The following CCDC175 variants were observed in gnomAD, a reference collection of about 807,000 sequenced individuals.
The protein encoded by CCDC175 is coiled-coil domain-containing protein 175.
A neutral mutation model predicts 114.6 loss-of-function variants in CCDC175; 100 were observed. The observed-to-expected ratio is 0.87, with a 90% CI of 0.74 to 1.03. The LOEUF (loss-of-function observed/expected upper bound fraction) is 1.03, where lower values mean the gene tolerates loss of function less well. Among genes scored for constraint, CCDC175 ranks in the 50% least tolerant of loss-of-function variants. The pLI, the probability that CCDC175 is intolerant of heterozygous loss-of-function variation, is 0.00. For synonymous variants in CCDC175, 306 were observed against 308.7 expected, an observed-to-expected ratio of 0.99 and a Z score of 0.09; for missense variants, 880 against 917.8, an observed-to-expected ratio of 0.96 and a Z score of 0.53.
rs111471370 is a variant in CCDC175, at chr14:59,567,528, T to C, written c.491+717A>G. Among the ~76,000 whole-genome samples, 1,008 of 152,346 alleles carry C rather than the reference T, an allele frequency of 6.6e-3. 12 individuals carry two copies. Among genetic ancestry groups the C allele is most frequent in the African/African-American group, 0.023 (951 of 41,570 alleles). ...AACATGCTGATATTTATGATATTTA[T>C]TAAAATTTATCAAATTTTCTCATAG... On this transcript the variant is annotated intron_variant, in intron 4 of 19. Coordinates refer to ENST00000537690, the MANE Select transcript of CCDC175 (RefSeq NM_001164399.2).
At chr14:59,516,081 G>A (rs1473039889) in intron 17 of CCDC175, among the ~76,000 whole-genome samples, 4 of 152,122 alleles carry the variant, frequency 2.6e-5, no homozygotes, top group African/African-American at 7.2e-5. Flanking sequence ...GGTACATAAC[G>A]AAATGAAGGC....
chr14:59,521,765 C>T, intron 16 of CCDC175, 89 bp from the exon 17 acceptor site: 1 of 743,002 alleles, frequency 1.3e-6, no homozygotes, highest in South Asian at 1.7e-5. Flanking sequence ...TGTATAAATT[C>T]CTCCTCTGCG....
chr14:59,549,531 C>T (rs565749448), intron 8 of CCDC175, among the ~76,000 whole-genome samples: 4 of 151,634 alleles, frequency 2.6e-5, no homozygotes, highest in South Asian at 4.2e-4. Flanking sequence ...ACCAGCCTGA[C>T]CAACATAATG....
At chr14:59,551,562 T>A (rs1895485464) in intron 7 of CCDC175, 126 bp from the exon 8 acceptor site, 1 of 500,320 alleles carries the variant, frequency 2.0e-6, no homozygotes, top group South Asian at 3.3e-5. Flanking sequence ...GATGGGTGAT[T>A]TCTGCATTTC....
At chr14:59,575,810 A>G (rs1258433396) in intron 1 of CCDC175, among the ~76,000 whole-genome samples, 2 of 134,106 alleles carry the variant, frequency 1.5e-5, no homozygotes, top group African/African-American at 5.6e-5. Flanking sequence ...CGCCCGGCCA[A>G]CATTCTTCAT....
chr14:59,576,509 A>C, intron 1 of CCDC175, 110 bp downstream of exon 1: 1 of 1,071,232 alleles, frequency 9.3e-7, no homozygotes, highest in Non-Finnish European at 1.2e-6. Context: ...TGCCCTGCCC[A>C]GTGATGCCCT....
At chr14:59,539,183 C>T (rs1894604988) in intron 11 of CCDC175, among the ~76,000 whole-genome samples, 1 of 152,166 alleles carries the variant, frequency 6.6e-6, no homozygotes, top group Non-Finnish European at 1.5e-5. Context: ...ATAGAATTAC[C>T]TAAATTACCG....
At chr14:59,508,779 GA>G (rs1420907039) in intron 19 of CCDC175, among the ~76,000 whole-genome samples, 3 of 151,968 alleles carry the variant, frequency 2.0e-5, no homozygotes, top group Non-Finnish European at 4.4e-5. Context: ...ACACAATGAG[GA>G]AGCACCATTC....
intron 16 of CCDC175, among the ~76,000 whole-genome samples, chr14:59,524,195 A>G (rs1335639362): frequency 6.6e-6 from 1 of 152,172 alleles, no homozygotes; most frequent in East Asian, 1.9e-4. Flanking sequence ...CACAGTATAT[A>G]AAATGTTGGA....
intron 13 of CCDC175, among the ~76,000 whole-genome samples, chr14:59,536,348 A>G (rs1894395647): frequency 6.6e-6 from 1 of 151,998 alleles, no homozygotes; most frequent in African/African-American, 2.4e-5. Context: ...AACAGCACAC[A>G]GACCATATCA....
chr14:59,538,978 T>C (rs1019886841), intron 11 of CCDC175, 138 bp from the exon 12 acceptor site: 7 of 690,728 alleles, frequency 1.0e-5, no homozygotes, highest in Non-Finnish European at 1.6e-5. Flanking sequence ...ACTACACACA[T>C]TGCATGAAAA....
chr14:59,566,680 G>A (rs1896567217), intron 4 of CCDC175, among the ~76,000 whole-genome samples: 1 of 152,158 alleles, frequency 6.6e-6, no homozygotes, highest in African/African-American at 2.4e-5. Flanking sequence ...CAAACACAGT[G>A]TGGAGCCTCA....
intron 7 of CCDC175, among the ~76,000 whole-genome samples, chr14:59,552,211 CA>C (rs1895553633): frequency 6.6e-6 from 1 of 152,248 alleles, no homozygotes; most frequent in Non-Finnish European, 1.5e-5. Context: ...ATCCAGGAGG[CA>C]CCTCCCAGTA....
intron 16 of CCDC175, 119 bp downstream of exon 16, chr14:59,525,163 G>T: frequency 1.3e-6 from 1 of 752,020 alleles, no homozygotes; most frequent in Non-Finnish European, 1.9e-6. Flanking sequence ...TTTTCTGTGT[G>T]TACTTTATGC....
Position 59,551,577 on chromosome 14 carries a change from C to T in CCDC175, c.954-141G>A, listed in dbSNP as rs150070043. The T allele has an allele frequency of 1.2e-4, 57 of 491,012 alleles. No homozygotes were observed. The East Asian group carries it at 1.3e-3, about 11-fold the overall frequency. The allele number at this position is 491,012 out of a possible 1,614,324, so 30.4% of individuals were successfully genotyped here. On this transcript the variant is annotated intron_variant, in intron 7 of 19. Transcript: ENST00000537690. ...GATGGGTGATTTCTGCATTTCCAAC[C>T]GAAGTACCGGGTTCATCTCACTGGG...
intron 3 of CCDC175, among the ~76,000 whole-genome samples, chr14:59,569,087 T>C (rs1408835511): frequency 6.6e-6 from 1 of 152,228 alleles, no homozygotes; most frequent in African/African-American, 2.4e-5. Flanking sequence ...ACGTATGACT[T>C]CAAAGGATTA....
intron 12 of CCDC175, 23 bp downstream of exon 12, chr14:59,538,682 C>A (rs1156681273): frequency 1.1e-5 from 17 of 1,517,440 alleles, no homozygotes; most frequent in Non-Finnish European, 1.3e-5. Context: ...GGGACTAATT[C>A]TAAGTTCTTT....
rs1894094260 is a variant in CCDC175 at position 59,531,879 on chromosome 14, T to C, written c.1655A>G (p.Lys552Arg). 3.2e-6 allele frequency: 4 copies of C among 1,263,574 alleles called. No homozygotes were observed. The East Asian group carries it at 1.0e-4, about 32-fold the overall frequency. 78.3% of individuals were successfully genotyped at this position (1,263,574 alleles called of 1,614,324 possible). A position where few individuals can be genotyped will look rare whatever the true frequency, so the allele number is the denominator to read the frequency against. Residue 552 changes from lysine (K) to arginine (R), a missense_variant, in exon 14 of 20, where the codon AAA becomes AGA. Coordinates refer to ENST00000537690, the MANE Select transcript of CCDC175 (RefSeq NM_001164399.2). The part of the protein sequence containing the change: ...EIFVKETQIN[K>R]EKEEELVEYL... ...CTCAACTAGTTCTTCTTCCTTTTCT[T>C]TGTTAATTTGTGTTTCCTTAACAAA...
Position 59,576,758 on chromosome 14 carries a change from C to A in CCDC175, c.18G>T (p.Trp6Cys). Residue 6 changes from tryptophan to cysteine, a missense_variant, in exon 1 of 20, where the codon TGG becomes TGT. By Grantham distance (215) the Trp-to-Cys change is radical. Transcript: ENST00000537690. MALSP[W>C]TPGLGAGEKL... ...TCTCGCCAGCGCCCAGCCCTGGGGT[C>A]CAGGGGCTCAGGGCCATTTTGCCGC... 1 of 1,457,364 alleles carries A rather than the reference C, an allele frequency of 6.9e-7. No individual in the cohort carries two copies. The highest frequency in any genetic ancestry group is 1.5e-5 in the African/African-American group (1 of 67,604). The allele number at this position is 1,457,364 out of a possible 1,614,324, so 90.3% of individuals were successfully genotyped here.
Sources: gnomAD v4.1 joint callset for allele counts (sites outside exome capture counted in the v4.1 genomes callset) on GRCh38, gnomAD v4.1.1 for gene constraint, MANE v1.5 for transcripts, NCBI Gene and HGNC (gene_info 2026-07-23, HGNC 2026-07-21) for gene names.